Variants in RAB38 observed in about 807,000 individuals in gnomAD.
RAB38 encodes the protein RAB38, member RAS oncogene family, also known as ras-related protein Rab-38.
Under a neutral mutation model 18.4 loss-of-function variants are expected in RAB38, and 15 were observed. The observed-to-expected ratio is 0.82, with a 90% CI of 0.55 to 1.26. The LOEUF (loss-of-function observed/expected upper bound fraction) is 1.26, where lower values mean the gene tolerates loss of function less well. Ranked by LOEUF, RAB38 falls within the 50% of genes most tolerant of loss-of-function variation. RAB38 has a pLI of 0.00. For missense variants in RAB38, 294 were observed against 267.4 expected (o/e 1.10, Z -0.69); for synonymous variants, 101 against 104.4 (o/e 0.97, Z 0.20).
chr11:88,092,758 A>C, the RAB38 span, among the ~76,000 whole-genome samples: 3 of 151,918 alleles, frequency 2.0e-5, no homozygotes, highest in East Asian at 5.8e-4. Context: ...AATTAATATA[A>C]GTACCCTAAT....
chr11:87,925,286 T>G, the RAB38 span, among the ~76,000 whole-genome samples: 1 of 152,094 alleles, frequency 6.6e-6, no homozygotes, highest in Non-Finnish European at 1.5e-5. Flanking sequence ...CCAATTCTTC[T>G]AAAAAGTTTC....
At chr11:88,006,584 A>C in the RAB38 span, among the ~76,000 whole-genome samples, 11 of 140,296 alleles carry the variant, frequency 7.8e-5, no homozygotes, top group Non-Finnish European at 1.6e-4. Flanking sequence ...CACATTATAT[A>C]TATGTATATA....
At chr11:87,966,394 T>C in the RAB38 span, among the ~76,000 whole-genome samples, 1 of 152,058 alleles carries the variant, frequency 6.6e-6, no homozygotes, top group Non-Finnish European at 1.5e-5. Context: ...ATGGAAACAC[T>C]GGGCTCCAAG....
At chr11:87,825,734 G>A in the RAB38 span, among the ~76,000 whole-genome samples, 1 of 152,130 alleles carries the variant, frequency 6.6e-6, no homozygotes, top group African/African-American at 2.4e-5. Context: ...AGGACAAGGA[G>A]TTTGGAAGGA....
chr11:88,161,762 T>C (rs1053190575), intron 1 of RAB38, among the ~76,000 whole-genome samples: 1 of 152,092 alleles, frequency 6.6e-6, no homozygotes, highest in Admixed American at 6.6e-5. Context: ...ATTAACATTA[T>C]TGTGCATATC....
the RAB38 span, among the ~76,000 whole-genome samples, chr11:88,066,482 A>T: frequency 1.3e-5 from 2 of 152,208 alleles, no homozygotes; most frequent in Admixed American, 1.3e-4. Context: ...AATAATATAA[A>T]TGTAAATATG....
At chr11:87,875,465 G>C in the RAB38 span, among the ~76,000 whole-genome samples, 2 of 151,156 alleles carry the variant, frequency 1.3e-5, no homozygotes, top group South Asian at 2.1e-4. Context: ...TATTTATCTG[G>C]GGTATGTCCA....
At chr11:88,125,365 A>G (rs1942682461) in intron 2 of RAB38, among the ~76,000 whole-genome samples, 1 of 152,018 alleles carries the variant, frequency 6.6e-6, no homozygotes, top group Non-Finnish European at 1.5e-5. Context: ...TCCCATCTCT[A>G]TCTGTAGATC....
intron 2 of RAB38, among the ~76,000 whole-genome samples, chr11:88,118,700 G>A (rs1053419661): frequency 6.6e-6 from 1 of 152,184 alleles, no homozygotes; most frequent in Admixed American, 6.5e-5. Context: ...TATATCTGCA[G>A]TATGACAAGA....
At chr11:88,080,287 T>C in the RAB38 span, among the ~76,000 whole-genome samples, 2 of 151,872 alleles carry the variant, frequency 1.3e-5, no homozygotes, top group Admixed American at 6.6e-5. Context: ...ACTTTTAAAA[T>C]ATTACAACGA....
At chr11:87,817,809 C>T in the RAB38 span, among the ~76,000 whole-genome samples, 1 of 152,098 alleles carries the variant, frequency 6.6e-6, no homozygotes, top group African/African-American at 2.4e-5. Flanking sequence ...TCATTCCACA[C>T]AAGAGGAAAT....
chr11:88,142,719 C>T (rs916124828), intron 2 of RAB38, among the ~76,000 whole-genome samples: 6 of 152,166 alleles, frequency 3.9e-5, no homozygotes, highest in African/African-American at 7.2e-5. Flanking sequence ...AAATGAAATA[C>T]AGACAAAGAA....
At chr11:87,899,366 C>T in the RAB38 span, among the ~76,000 whole-genome samples, 2 of 151,608 alleles carry the variant, frequency 1.3e-5, no homozygotes, top group Admixed American at 6.6e-5. Flanking sequence ...CATTTATTAG[C>T]TAAGTGATTT....
the RAB38 span, among the ~76,000 whole-genome samples, chr11:88,021,948 C>G: frequency 6.6e-6 from 1 of 151,592 alleles, no homozygotes; most frequent in South Asian, 2.1e-4. Context: ...GGATTACAGG[C>G]ATGAGCCACT....
chr11:87,970,295 C>T, the RAB38 span, among the ~76,000 whole-genome samples: 3 of 152,128 alleles, frequency 2.0e-5, no homozygotes, highest in African/African-American at 7.2e-5. Flanking sequence ...AAATCAGGGT[C>T]CAGCCCTGTG....
At chr11:87,907,682 AT>A in the RAB38 span, among the ~76,000 whole-genome samples, 13 of 151,634 alleles carry the variant, frequency 8.6e-5, no homozygotes, top group Non-Finnish European at 1.9e-4. Flanking sequence ...CATGCAATAG[AT>A]TTTTAAAATT....
chr11:88,105,623 A>C, the RAB38 span, among the ~76,000 whole-genome samples: 1 of 152,284 alleles, frequency 6.6e-6, no homozygotes, highest in South Asian at 2.1e-4. Flanking sequence ...GTGTTCACCC[A>C]GCTGTCACAT....
At chr11:87,881,036 G>A in the RAB38 span, among the ~76,000 whole-genome samples, 3 of 151,848 alleles carry the variant, frequency 2.0e-5, no homozygotes, top group South Asian at 2.1e-4. Flanking sequence ...CTGAAGTGAA[G>A]TGGCGTGATC....
At chr11:88,106,222 G>T in the RAB38 span, among the ~76,000 whole-genome samples, 1 of 152,174 alleles carries the variant, frequency 6.6e-6, no homozygotes, top group Admixed American at 6.5e-5. Flanking sequence ...TAAGCACTAT[G>T]CATTTTGCTA....
Sources: gnomAD v4.1 joint callset for allele counts (sites outside exome capture counted in the v4.1 genomes callset) on GRCh38, gnomAD v4.1.1 for gene constraint, MANE v1.5 for transcripts, NCBI Gene and HGNC (gene_info 2026-07-23, HGNC 2026-07-21) for gene names.